ADCY8: variants seen among roughly 807,000 people sequenced by gnomAD.
ADCY8 encodes the protein adenylate cyclase type 8.
A neutral mutation model predicts 119.7 loss-of-function variants in ADCY8; 51 were observed. The observed-to-expected ratio is 0.43, with a 90% CI of 0.34 to 0.54. The LOEUF is 0.54. ADCY8 is among the 20% of genes least tolerant of loss of function. The probability of loss-of-function intolerance (pLI) is 0.03; values close to 1 mark genes in which losing one functional copy is unlikely to be tolerated. For synonymous variants in ADCY8, 665 were observed against 651.0 expected (o/e 1.02, Z -0.33); for missense variants, 1,383 against 1,598.8 (o/e 0.87, Z 2.30).
chr8:131,011,790 C>T (rs1342065973), intron 1 of ADCY8, among the ~76,000 whole-genome samples: 1 of 152,140 alleles, frequency 6.6e-6, no homozygotes, highest in Non-Finnish European at 1.5e-5. Flanking sequence ...GGTTCCAACA[C>T]TGACTCTACC....
chr8:130,934,722 A>G (rs2130618464), intron 5 of ADCY8, among the ~76,000 whole-genome samples: 1 of 152,336 alleles, frequency 6.6e-6, no homozygotes, highest in Admixed American at 6.5e-5. Context: ...GTTGGAACCC[A>G]TAGATTCCTC....
At chr8:130,859,755 GA>G (rs1817865142) in intron 9 of ADCY8, among the ~76,000 whole-genome samples, 2 of 152,150 alleles carry the variant, frequency 1.3e-5, no homozygotes, top group African/African-American at 4.8e-5. Flanking sequence ...ACAGTATACT[GA>G]ATGCACTACC....
chr8:130,840,831 A>G (rs1488931546), intron 11 of ADCY8, among the ~76,000 whole-genome samples: 1 of 152,160 alleles, frequency 6.6e-6, no homozygotes, highest in African/African-American at 2.4e-5. Context: ...GATTTGTATG[A>G]GAAATGTTAG....
intron 2 of ADCY8, among the ~76,000 whole-genome samples, chr8:130,980,996 G>A (rs1822222600): frequency 6.6e-6 from 1 of 152,176 alleles, no homozygotes; most frequent in Non-Finnish European, 1.5e-5. Flanking sequence ...TCTGCTAGCT[G>A]TGTCCTATCT....
intron 1 of ADCY8, among the ~76,000 whole-genome samples, chr8:131,000,773 A>G (rs1822919020): frequency 6.6e-6 from 1 of 151,786 alleles, no homozygotes; most frequent in Admixed American, 6.6e-5. Context: ...CGCCACATGC[A>G]CCCTAGGATT....
chr8:130,962,516 T>C (rs1003831879), intron 2 of ADCY8, among the ~76,000 whole-genome samples: 2 of 152,212 alleles, frequency 1.3e-5, no homozygotes, highest in East Asian at 1.9e-4. Flanking sequence ...GTGGCTCCTG[T>C]CTGGATTCCC....
At chr8:130,845,880 G>T (rs528902986) in intron 11 of ADCY8, among the ~76,000 whole-genome samples, 1 of 152,172 alleles carries the variant, frequency 6.6e-6, no homozygotes, top group East Asian at 1.9e-4. Context: ...GGGAGGGAAA[G>T]AAGTGAGGAA....
chr8:130,800,723 G>T, intron 14 of ADCY8, 151 bp from the exon 15 acceptor site: 1 of 836,492 alleles, frequency 1.2e-6, no homozygotes, highest in Non-Finnish European at 1.9e-6. Flanking sequence ...TCAACAGTGT[G>T]TTTTAGTCCA....
Position 130,990,956 on chromosome 8 carries a change from C to G in ADCY8, c.961-414G>C, listed in dbSNP as rs78367429. ...AACAGGAAAGGAATCCATTGAATAC[C>G]TTTGCCTTCGAATACATTGACTACT... On this transcript the variant is annotated intron_variant, in intron 1 of 17. Transcript: ENST00000286355. 5.3e-3 allele frequency: 814 copies of G among 154,584 alleles called. 5 individuals are homozygous for G. Among genetic ancestry groups the G allele is most frequent in the African/African-American group, 0.019 (786 of 41,582 alleles). 9.6% of individuals were successfully genotyped at this position (154,584 alleles called of 1,614,324 possible). A position where few individuals can be genotyped will look rare whatever the true frequency, so the allele number is the denominator to read the frequency against.
At chr8:131,021,878 C>T (rs943012880) in intron 1 of ADCY8, among the ~76,000 whole-genome samples, 1 of 152,140 alleles carries the variant, frequency 6.6e-6, no homozygotes, top group Non-Finnish European at 1.5e-5. Flanking sequence ...TGTGTGAGAA[C>T]AGACTAATAC....
At chr8:130,823,385 A>G (rs1303247768) in intron 12 of ADCY8, among the ~76,000 whole-genome samples, 8 of 152,240 alleles carry the variant, frequency 5.3e-5, no homozygotes, top group Admixed American at 3.9e-4. Context: ...TTATTTTTGT[A>G]GTTTCAATGA....
At chr8:130,913,609 C>T (rs73717236) in intron 5 of ADCY8, among the ~76,000 whole-genome samples, 8,119 of 152,202 alleles carry the variant, frequency 0.053, 709 homozygotes, top group African/African-American at 0.18. Context: ...AGCCTTCTAA[C>T]CAGGGTCCTT....
At chr8:131,033,520 G>T (rs1824056490) in intron 1 of ADCY8, among the ~76,000 whole-genome samples, 1 of 152,094 alleles carries the variant, frequency 6.6e-6, no homozygotes, top group African/African-American at 2.4e-5. Context: ...ATCTAATTAT[G>T]CTCTGACCTG....
At chr8:130,813,383 T>A (rs1326258450) in intron 14 of ADCY8, among the ~76,000 whole-genome samples, 1 of 152,190 alleles carries the variant, frequency 6.6e-6, no homozygotes, top group Non-Finnish European at 1.5e-5. Flanking sequence ...AAACAATAAC[T>A]CCAATTCTCC....
chr8:130,942,816 T>C (rs559135434), intron 4 of ADCY8, among the ~76,000 whole-genome samples: 9 of 152,340 alleles, frequency 5.9e-5, no homozygotes, highest in African/African-American at 1.7e-4. Flanking sequence ...CCATCTCCTT[T>C]AATCTGTTTT....
chr8:130,996,990 T>C (rs775398041), intron 1 of ADCY8, among the ~76,000 whole-genome samples: 1 of 152,174 alleles, frequency 6.6e-6, no homozygotes, highest in African/African-American at 2.4e-5. Flanking sequence ...TTAGGGAATA[T>C]TCATTGTAGC....
intron 5 of ADCY8, among the ~76,000 whole-genome samples, chr8:130,917,614 G>C (rs1399806493): frequency 6.6e-6 from 1 of 152,148 alleles, no homozygotes; most frequent in Non-Finnish European, 1.5e-5. Flanking sequence ...GAACAATAGA[G>C]ACCAAGTCAG....
At chr8:130,785,573 TG>T in intron 15 of ADCY8, 98 bp from the exon 16 acceptor site, 1 of 746,770 alleles carries the variant, frequency 1.3e-6, no homozygotes, top group Non-Finnish European at 2.2e-6. Flanking sequence ...GAGCTACCTC[TG>T]ATGGTTCAAT....
chr8:131,004,001 C>T (rs757280047), intron 1 of ADCY8, among the ~76,000 whole-genome samples: 1 of 152,158 alleles, frequency 6.6e-6, no homozygotes, highest in Admixed American at 6.5e-5. Context: ...ACAACAGCAA[C>T]AAGACTTGTT....
Sources: allele counts gnomAD v4.1 joint callset (sites outside exome capture counted in the v4.1 genomes callset), GRCh38; gene constraint gnomAD v4.1.1; transcripts MANE v1.5; gene names NCBI Gene and HGNC (gene_info 2026-07-23, HGNC 2026-07-21).